The following GRID1 variants were observed in gnomAD, a reference collection of about 807,000 sequenced individuals.
GRID1 encodes glutamate ionotropic receptor delta type subunit 1, also known as glutamate receptor ionotropic, delta-1.
In GRID1, 28 loss-of-function variants were observed where a neutral mutation model predicts 98.0. The observed-to-expected ratio is 0.29, with a 90% CI of 0.21 to 0.39. The LOEUF is 0.39. Among genes scored for constraint, GRID1 ranks in the 10% least tolerant of loss-of-function variants. The pLI is 1.00. For missense variants in GRID1, 1,111 were observed against 1,340.5 expected (o/e 0.83, Z 2.67); for synonymous variants, 553 against 538.5 (o/e 1.03, Z -0.37).
intron 2 of GRID1, among the ~76,000 whole-genome samples, chr10:86,331,178 T>C (rs1248239685): frequency 6.6e-6 from 1 of 152,232 alleles, no homozygotes; most frequent in Non-Finnish European, 1.5e-5. Flanking sequence ...GTGTTGCTAA[T>C]TCCACCTTTC....
chr10:86,037,854 T>C (rs1843289557), intron 4 of GRID1, among the ~76,000 whole-genome samples: 1 of 152,112 alleles, frequency 6.6e-6, no homozygotes, highest in Non-Finnish European at 1.5e-5. Context: ...ATACTGCCAT[T>C]GTATGGGCTG....
chr10:85,907,310 C>T (rs1269224148), intron 5 of GRID1, among the ~76,000 whole-genome samples: 3 of 152,128 alleles, frequency 2.0e-5, no homozygotes, highest in Admixed American at 6.5e-5. Context: ...TGGGGTTTCG[C>T]CATGTTGGCC....
rs368130660 is a variant in GRID1 at position 86,269,056 on chromosome 10, CGTCT to C, written c.236-62412_236-62409del. The stretch of plus-strand genomic sequence containing the variant: ...TTGGGTTCAAATCCAAGCTAAGTCA[CGTCT>C]GTGACCTTGGACAAACCCCTTCACC... On this transcript the variant is annotated intron_variant, in intron 2 of 15. Coordinates refer to ENST00000327946, the MANE Select transcript of GRID1 (RefSeq NM_017551.3). 3.1e-3 allele frequency among the ~76,000 whole-genome samples: 474 copies of C among 152,294 alleles called. 1 individual carries two copies. Among genetic ancestry groups the C allele is most frequent in the African/African-American group, 0.011 (455 of 41,562 alleles).
chr10:86,017,103 C>T (rs1222399700), intron 4 of GRID1, among the ~76,000 whole-genome samples: 1 of 152,206 alleles, frequency 6.6e-6, no homozygotes, highest in Non-Finnish European at 1.5e-5. Context: ...GGACCTGCTG[C>T]TAAGTATTCC....
chr10:86,158,681 A>G (rs1399697810), intron 3 of GRID1, among the ~76,000 whole-genome samples: 1 of 152,106 alleles, frequency 6.6e-6, no homozygotes, highest in African/African-American at 2.4e-5. Context: ...TGTGTGACCA[A>G]TGGGAAGCAA....
At chr10:85,926,945 T>G (rs1256826313) in intron 4 of GRID1, among the ~76,000 whole-genome samples, 1 of 152,240 alleles carries the variant, frequency 6.6e-6, no homozygotes, top group East Asian at 1.9e-4. Context: ...ACCCTGTATC[T>G]GTTCCCCTAA....
At chr10:86,343,100 C>G (rs1302581916) in intron 2 of GRID1, among the ~76,000 whole-genome samples, 1 of 152,210 alleles carries the variant, frequency 6.6e-6, no homozygotes, top group African/African-American at 2.4e-5. Flanking sequence ...CACTTGTGCT[C>G]TTAAAACCTT....
chr10:86,080,565 A>G lies in GRID1; in HGVS notation c.726+58254T>C, dbSNP rs537620129. On this transcript the variant is annotated intron_variant, in intron 4 of 15. Transcript: ENST00000327946. Reference sequence around the variant, plus strand: ...GAAGAAATGGAGTAAGATGAAGCCCAGGGTTTTTCACCACTAGGTTTGGCC... The same window carrying G: ...GAAGAAATGGAGTAAGATGAAGCCCGGGGTTTTTCACCACTAGGTTTGGCC... Among the ~76,000 whole-genome samples, 4 of 152,090 alleles carry G rather than the reference A, an allele frequency of 2.6e-5. No individual in the cohort carries two copies. The South Asian group carries it at 8.3e-4, about 32-fold the overall frequency.
At chr10:85,716,430 AG>A (rs947704280) in intron 12 of GRID1, among the ~76,000 whole-genome samples, 1 of 152,034 alleles carries the variant, frequency 6.6e-6, no homozygotes, top group African/African-American at 2.4e-5. Context: ...CGGAGGCGGG[AG>A]GGATAGCATT....
At chr10:85,633,651 G>C (rs1165547294) in intron 13 of GRID1, among the ~76,000 whole-genome samples, 1 of 152,176 alleles carries the variant, frequency 6.6e-6, no homozygotes, top group African/African-American at 2.4e-5. Flanking sequence ...GGGCTTATGT[G>C]GAAGAGCCTC....
At chr10:86,152,877 T>C (rs1845189524) in intron 3 of GRID1, among the ~76,000 whole-genome samples, 2 of 152,348 alleles carry the variant, frequency 1.3e-5, no homozygotes, top group East Asian at 3.9e-4. Context: ...CCTTCACAGC[T>C]TTCCACTGAC....
At chr10:86,070,327 G>A (rs1353327955) in intron 4 of GRID1, among the ~76,000 whole-genome samples, 4 of 152,160 alleles carry the variant, frequency 2.6e-5, no homozygotes, top group African/African-American at 4.8e-5. Context: ...ATGGGAGCAG[G>A]GTCAGACTGT....
At chr10:85,747,830 T>TC (rs1842011645) in intron 8 of GRID1, among the ~76,000 whole-genome samples, 5 of 152,178 alleles carry the variant, frequency 3.3e-5, no homozygotes, top group Non-Finnish European at 7.3e-5. Context: ...AGATGGGTCT[T>TC]CCCATATCTA....
chr10:85,769,946 C>G (rs1026290347), intron 8 of GRID1, among the ~76,000 whole-genome samples: 1 of 152,178 alleles, frequency 6.6e-6, no homozygotes, highest in Non-Finnish European at 1.5e-5. Context: ...CTTAAATGTC[C>G]CTGTCTGACA....
chr10:85,786,780 G>T (rs1319353549), intron 8 of GRID1, among the ~76,000 whole-genome samples: 1 of 152,234 alleles, frequency 6.6e-6, no homozygotes, highest in Non-Finnish European at 1.5e-5. Context: ...ATAGGAAGGA[G>T]ATTTGTGCAG....
At chr10:85,875,685 A>G (rs1843322373) in intron 5 of GRID1, among the ~76,000 whole-genome samples, 1 of 152,204 alleles carries the variant, frequency 6.6e-6, no homozygotes, top group Non-Finnish European at 1.5e-5. Context: ...ATATCTAATA[A>G]AGTGTGAAGT....
At chr10:85,873,239 G>A (rs1843296402) in intron 5 of GRID1, among the ~76,000 whole-genome samples, 1 of 152,218 alleles carries the variant, frequency 6.6e-6, no homozygotes, top group South Asian at 2.1e-4. Flanking sequence ...TCTTAAGTGT[G>A]CAGAGGGCAA....
At chr10:86,297,247 A>G (rs1028541498) in intron 2 of GRID1, among the ~76,000 whole-genome samples, 3 of 152,240 alleles carry the variant, frequency 2.0e-5, no homozygotes, top group Non-Finnish European at 4.4e-5. Context: ...TTAGAAAGCA[A>G]TAACAAAGTA....
At chr10:86,264,872 A>C in intron 2 of GRID1, 1 of 417,430 alleles carries the variant, frequency 2.4e-6, no homozygotes, top group East Asian at 7.3e-5. Context: ...AGCCAAATTC[A>C]CTCCTTGCTG....
Sources: allele counts gnomAD v4.1 joint callset (sites outside exome capture counted in the v4.1 genomes callset), GRCh38; gene constraint gnomAD v4.1.1; transcripts MANE v1.5; gene names NCBI Gene and HGNC (gene_info 2026-07-23, HGNC 2026-07-21).